Variants in OCA2 observed in about 807,000 individuals in gnomAD.
OCA2 encodes the protein OCA2 melanosomal transmembrane protein, also known as P protein.
A neutral mutation model predicts 100.2 loss-of-function variants in OCA2; 77 were observed. That is an observed-to-expected ratio of 0.77 (90% CI 0.64 to 0.93). The LOEUF (loss-of-function observed/expected upper bound fraction) is 0.93. Ranked by LOEUF, OCA2 falls within the 40% of genes least tolerant of loss-of-function variation. OCA2 has a pLI of 0.00. For missense variants in OCA2, 1,062 were observed against 1,089.1 expected (o/e 0.98, Z 0.35); for synonymous variants, 432 against 439.2 (o/e 0.98, Z 0.21).
downstream of OCA2, among the ~76,000 whole-genome samples, chr15:27,754,614 A>G (rs1052895969): frequency 3.3e-5 from 5 of 152,180 alleles, no homozygotes; most frequent in Non-Finnish European, 7.3e-5. Flanking sequence ...ATAAACACCG[A>G]CTGAGCCACA....
At chr15:27,811,686 C>T (rs1393897925) in intron 23 of OCA2, among the ~76,000 whole-genome samples, 2 of 152,144 alleles carry the variant, frequency 1.3e-5, no homozygotes, top group African/African-American at 2.4e-5. Context: ...GACACAGGGC[C>T]GTGGCGTGTC....
intron 23 of OCA2, among the ~76,000 whole-genome samples, chr15:27,831,201 G>A (rs969787386): frequency 4.0e-5 from 6 of 149,446 alleles, no homozygotes; most frequent in Non-Finnish European, 5.9e-5. Flanking sequence ...CAGGAGAATC[G>A]CTTGAACCAG....
chr15:27,908,715 T>C (rs928899742), intron 19 of OCA2, among the ~76,000 whole-genome samples: 7 of 152,172 alleles, frequency 4.6e-5, no homozygotes, highest in African/African-American at 1.7e-4. Context: ...GCAATGAAAA[T>C]GTAGCAACAT....
chr15:27,854,432 G>A (rs563921815), intron 21 of OCA2, among the ~76,000 whole-genome samples: 24 of 152,334 alleles, frequency 1.6e-4, no homozygotes, highest in African/African-American at 5.8e-4. Context: ...TATTTGCTGG[G>A]TCACAAGGGG....
At chr15:27,898,219 G>A (rs921676163) in intron 19 of OCA2, among the ~76,000 whole-genome samples, 12 of 152,172 alleles carry the variant, frequency 7.9e-5, no homozygotes, top group African/African-American at 2.9e-4. Context: ...GATTGGTTTT[G>A]CAATGTAAAG....
chr15:27,879,430 C>T (rs1180327602), intron 19 of OCA2, among the ~76,000 whole-genome samples: 3 of 152,170 alleles, frequency 2.0e-5, no homozygotes, highest in African/African-American at 7.2e-5. Context: ...GGAATCACCA[C>T]ACTGTCTTCC....
At chr15:27,954,159 A>ACC (rs59659387) in intron 17 of OCA2, among the ~76,000 whole-genome samples, 20,244 of 54,754 alleles carry the variant, frequency 0.37, 2,788 homozygotes, top group East Asian at 0.79. Flanking sequence ...ACACACACAC[A>ACC]CCTAGGGTCA....
At chr15:27,970,830 G>GAAAACGTGA (rs1461685640) in intron 14 of OCA2, among the ~76,000 whole-genome samples, 18 of 151,530 alleles carry the variant, frequency 1.2e-4, no homozygotes, top group Non-Finnish European at 5.9e-5. Context: ...GGCATGGTGG[G>GAAAACGTGA]AAAACGTGAA....
intron 19 of OCA2, among the ~76,000 whole-genome samples, chr15:27,908,142 A>G (rs1303249307): frequency 2.0e-5 from 3 of 152,224 alleles, no homozygotes; most frequent in Non-Finnish European, 4.4e-5. Context: ...AAAATGAAAT[A>G]TTAGCAAAAA....
chr15:27,944,585 T>A (rs1310190768), intron 18 of OCA2, among the ~76,000 whole-genome samples: 1 of 152,304 alleles, frequency 6.6e-6, no homozygotes, highest in South Asian at 2.1e-4. Context: ...GGTTTTTGCA[T>A]GTTTGAGACT....
At chr15:27,799,542 C>T (rs769271882) in intron 23 of OCA2, among the ~76,000 whole-genome samples, 8 of 152,048 alleles carry the variant, frequency 5.3e-5, no homozygotes, top group African/African-American at 1.7e-4. Flanking sequence ...GTCAGGAGCT[C>T]GAGACCAACC....
At chr15:27,736,039 G>A in the OCA2 span, among the ~76,000 whole-genome samples, 2 of 152,124 alleles carry the variant, frequency 1.3e-5, no homozygotes, top group African/African-American at 4.8e-5. Context: ...AATTAGTGAG[G>A]TTTAGTCAAT....
intron 18 of OCA2, among the ~76,000 whole-genome samples, chr15:27,936,100 T>C (rs180911027): frequency 1.1e-4 from 17 of 152,316 alleles, no homozygotes; most frequent in African/African-American, 2.6e-4. Context: ...CTGCCTGAAA[T>C]AGACCAAGTA....
At chr15:28,063,282 T>C (rs1328410152) in intron 2 of OCA2, among the ~76,000 whole-genome samples, 1 of 152,126 alleles carries the variant, frequency 6.6e-6, no homozygotes, top group Non-Finnish European at 1.5e-5. Flanking sequence ...TCTTTTACCT[T>C]CAGCCTATTT....
intron 2 of OCA2, among the ~76,000 whole-genome samples, chr15:28,060,199 G>A (rs1410898602): frequency 2.0e-5 from 3 of 152,192 alleles, no homozygotes; most frequent in Non-Finnish European, 4.4e-5. Flanking sequence ...CAGCATGCCT[G>A]CCTGGAACTG....
chr15:27,986,996 C>T (rs1442761099), intron 11 of OCA2, among the ~76,000 whole-genome samples: 2 of 152,190 alleles, frequency 1.3e-5, no homozygotes, highest in Admixed American at 6.5e-5. Context: ...TTGCTCACAG[C>T]CACAAATCTA....
At chr15:28,005,930 T>C (rs957886704) in intron 9 of OCA2, among the ~76,000 whole-genome samples, 34 of 152,150 alleles carry the variant, frequency 2.2e-4, no homozygotes, top group African/African-American at 8.0e-4. Flanking sequence ...TTCTGGGCAT[T>C]GGCTACAGAT....
chr15:28,017,104 C>T (rs1448335459), intron 7 of OCA2, among the ~76,000 whole-genome samples: 1 of 151,862 alleles, frequency 6.6e-6, no homozygotes, highest in Non-Finnish European at 1.5e-5. Flanking sequence ...ATGCGAATCT[C>T]GCCCACAAAT....
chr15:28,095,211 A>T (rs1433174372), intron 1 of OCA2, among the ~76,000 whole-genome samples: 5 of 152,084 alleles, frequency 3.3e-5, no homozygotes, highest in Non-Finnish European at 7.4e-5. Flanking sequence ...CTCGGAGCAG[A>T]GCTCGAGCTG....
Sources: gnomAD v4.1 joint callset for allele counts (sites outside exome capture counted in the v4.1 genomes callset) on GRCh38, gnomAD v4.1.1 for gene constraint, MANE v1.5 for transcripts, NCBI Gene and HGNC (gene_info 2026-07-23, HGNC 2026-07-21) for gene names.